EFCAB6: variants seen among roughly 807,000 people sequenced by gnomAD.
The protein encoded by EFCAB6 is EF-hand calcium binding domain 6, also known as EF-hand calcium-binding domain-containing protein 6.
EFCAB6 carries 156 observed loss-of-function variants against 169.8 expected under a neutral mutation model. The observed-to-expected ratio is 0.92, with a 90% CI of 0.81 to 1.05. EFCAB6 has a LOEUF of 1.05. EFCAB6 is among the 50% of genes least tolerant of loss of function. The probability of loss-of-function intolerance (pLI) is 0.00; values close to 1 mark genes in which losing one functional copy is unlikely to be tolerated. For synonymous variants in EFCAB6, 698 were observed against 676.4 expected, an observed-to-expected ratio of 1.03 and a Z score of -0.50; for missense variants, 1,800 against 1,829.1, an observed-to-expected ratio of 0.98 and a Z score of 0.29.
At chr22:43,606,757 G>C (rs1602569104) in intron 22 of EFCAB6, among the ~76,000 whole-genome samples, 1 of 152,190 alleles carries the variant, frequency 6.6e-6, no homozygotes, top group African/African-American at 2.4e-5. Context: ...GTGAAAATCT[G>C]CACATTTCAT....
intron 27 of EFCAB6, among the ~76,000 whole-genome samples, chr22:43,548,539 C>CAAAAAAAAAAAAAAAAAAAAA (rs397868076): frequency 2.2e-4 from 8 of 36,750 alleles, no homozygotes; most frequent in Non-Finnish European, 3.2e-4. Context: ...GAATCCATCT[C>CAAAAAAAAAAAAAAAAAAAAA]AAAAAAAAAA....
At chr22:43,542,700 T>C (rs1201370588) in intron 27 of EFCAB6, among the ~76,000 whole-genome samples, 5 of 151,912 alleles carry the variant, frequency 3.3e-5, no homozygotes, top group African/African-American at 7.3e-5. Flanking sequence ...CCGGAGGAAA[T>C]AGCCCCCAGC....
At chr22:43,673,342 T>C (rs1055581802) in intron 13 of EFCAB6, among the ~76,000 whole-genome samples, 3 of 152,224 alleles carry the variant, frequency 2.0e-5, no homozygotes, top group African/African-American at 7.2e-5. Flanking sequence ...AATAATTCCA[T>C]TTCTTAAAAT....
intron 9 of EFCAB6, among the ~76,000 whole-genome samples, chr22:43,712,733 G>A (rs1167571294): frequency 6.6e-6 from 1 of 152,148 alleles, no homozygotes; most frequent in African/African-American, 2.4e-5. Flanking sequence ...GCTCGGTGCA[G>A]TTACTGGATT....
At chr22:43,658,763 T>C (rs890001021) in intron 17 of EFCAB6, among the ~76,000 whole-genome samples, 2 of 152,132 alleles carry the variant, frequency 1.3e-5, no homozygotes, top group Non-Finnish European at 2.9e-5. Context: ...GAAGGTTGTG[T>C]AGGGCTTGGA....
At chr22:43,683,472 G>A (rs556969951) in intron 12 of EFCAB6, among the ~76,000 whole-genome samples, 1 of 152,246 alleles carries the variant, frequency 6.6e-6, no homozygotes, top group South Asian at 2.1e-4. Context: ...CAACTATTAC[G>A]ACCTTGCCAC....
At chr22:43,615,226 C>T in intron 21 of EFCAB6, among the ~76,000 whole-genome samples, 2 of 152,274 alleles carry the variant, frequency 1.3e-5, no homozygotes, top group South Asian at 4.2e-4. Flanking sequence ...TGATCTCCAG[C>T]CTAGATTTCA....
At chr22:43,533,102 T>TA (rs2146990731) in intron 30 of EFCAB6, among the ~76,000 whole-genome samples, 1 of 152,272 alleles carries the variant, frequency 6.6e-6, no homozygotes, top group South Asian at 2.1e-4. Flanking sequence ...GAACCAAAGG[T>TA]AAAAATCTGG....
intron 12 of EFCAB6, among the ~76,000 whole-genome samples, chr22:43,678,777 G>T (rs934152767): frequency 6.6e-6 from 1 of 152,134 alleles, no homozygotes. Flanking sequence ...CACCAAAATT[G>T]AGAGATACTG....
chr22:43,779,900 C>T (rs1277915090), intron 3 of EFCAB6, among the ~76,000 whole-genome samples: 1 of 152,064 alleles, frequency 6.6e-6, no homozygotes, highest in East Asian at 1.9e-4. Flanking sequence ...ATACTAGTCA[C>T]TAAAAAAGAC....
At chr22:43,783,325 A>G (rs1013458690) in intron 2 of EFCAB6, among the ~76,000 whole-genome samples, 2 of 152,208 alleles carry the variant, frequency 1.3e-5, no homozygotes. Flanking sequence ...AAAAGCGCCC[A>G]CATATTCTTG....
intron 24 of EFCAB6, among the ~76,000 whole-genome samples, chr22:43,585,285 A>C (rs2050987709): frequency 6.6e-6 from 1 of 152,070 alleles, no homozygotes; most frequent in Non-Finnish European, 1.5e-5. Flanking sequence ...TTAAAAGAAA[A>C]TGCCAGAAAT....
intron 17 of EFCAB6, among the ~76,000 whole-genome samples, chr22:43,654,433 G>GT (rs2056633407): frequency 6.6e-6 from 1 of 152,208 alleles, no homozygotes; most frequent in African/African-American, 2.4e-5. Context: ...CCAGTGACAG[G>GT]TTCAGCACCA....
intron 2 of EFCAB6, among the ~76,000 whole-genome samples, chr22:43,786,224 A>C (rs1349562731): frequency 6.6e-6 from 1 of 152,128 alleles, no homozygotes; most frequent in Non-Finnish European, 1.5e-5. Flanking sequence ...TTAGCCAGGC[A>C]TGGTGGCGCA....
chr22:43,775,691 G>A (rs1456269916), intron 3 of EFCAB6, among the ~76,000 whole-genome samples: 4 of 152,234 alleles, frequency 2.6e-5, no homozygotes, highest in South Asian at 2.1e-4. Context: ...TGATCCACCC[G>A]CCTCGGCCTC....
At chr22:43,741,791 C>T (rs749549597) in intron 6 of EFCAB6, among the ~76,000 whole-genome samples, 9 of 152,196 alleles carry the variant, frequency 5.9e-5, no homozygotes, top group Non-Finnish European at 1.3e-4. Flanking sequence ...CTAATTATCC[C>T]TCCATCCAGC....
chr22:43,781,112 G>A (rs2148029712), intron 3 of EFCAB6, among the ~76,000 whole-genome samples: 1 of 152,300 alleles, frequency 6.6e-6, no homozygotes, highest in Non-Finnish European at 1.5e-5. Flanking sequence ...CTCAGAAAAT[G>A]TGGATAAATG....
At chr22:43,564,731 C>G (rs1190685036) in intron 26 of EFCAB6, among the ~76,000 whole-genome samples, 1 of 152,212 alleles carries the variant, frequency 6.6e-6, no homozygotes, top group South Asian at 2.1e-4. Flanking sequence ...CCTGTTTCAG[C>G]AGCTCTATGA....
intron 23 of EFCAB6, among the ~76,000 whole-genome samples, chr22:43,591,499 C>T (rs951272990): frequency 0.069 from 8 of 116 alleles, no homozygotes; most frequent in South Asian, 0.43. Flanking sequence ...AAACAGCCAC[C>T]ACGTGGTGTT....
Sources: allele counts gnomAD v4.1 joint callset (sites outside exome capture counted in the v4.1 genomes callset), GRCh38; gene constraint gnomAD v4.1.1; transcripts MANE v1.5; gene names NCBI Gene and HGNC (gene_info 2026-07-23, HGNC 2026-07-21).